LYPD6B: variants seen among roughly 807,000 people sequenced by gnomAD.
LYPD6B encodes ly6/PLAUR domain-containing protein 6B.
In LYPD6B, 17 loss-of-function variants were observed where a neutral mutation model predicts 22.8. The observed-to-expected ratio is 0.75, with a 90% CI of 0.51 to 1.12. LYPD6B has a LOEUF of 1.12. Ranked by LOEUF, LYPD6B falls within the 50% of genes most tolerant of loss-of-function variation. The probability of loss-of-function intolerance (pLI) is 0.00; values close to 1 mark genes in which losing one functional copy is unlikely to be tolerated. For missense variants in LYPD6B, 221 were observed against 258.3 expected, an observed-to-expected ratio of 0.86 and a Z score of 0.99; for synonymous variants, 106 against 91.6, an observed-to-expected ratio of 1.16 and a Z score of -0.90.
At chr2:149,161,688 C>T (rs1690074254) in intron 3 of LYPD6B, among the ~76,000 whole-genome samples, 1 of 152,128 alleles carries the variant, frequency 6.6e-6, no homozygotes, top group African/African-American at 2.4e-5. Flanking sequence ...TCCCACTTTG[C>T]ATCTGATGGC....
intron 2 of LYPD6B, among the ~76,000 whole-genome samples, chr2:149,159,866 G>A (rs1215607216): frequency 6.6e-6 from 1 of 152,042 alleles, no homozygotes; most frequent in East Asian, 1.9e-4. Context: ...CATTATGAAA[G>A]GTAATTTGCT....
At chr2:149,046,808 A>G (rs993636285) in intron 1 of LYPD6B, among the ~76,000 whole-genome samples, 2 of 151,966 alleles carry the variant, frequency 1.3e-5, no homozygotes, top group Admixed American at 1.3e-4. Context: ...GTTTTGTGCT[A>G]TTGTTATTAT....
rs1462749187 is a variant in LYPD6B, at chr2:149,120,393, T to A, written c.-66-10490T>A. 1.6e-3 allele frequency among the ~76,000 whole-genome samples: 153 copies of A among 96,410 alleles called. 5 individuals are homozygous for A. Among genetic ancestry groups the A allele is most frequent in the South Asian group, 5.4e-3 (16 of 2,982 alleles). The allele number at this position is 96,410 out of a possible 152,430, so 63.2% of individuals were successfully genotyped here. ...TATATATATATATATATTTTTTTTT[T>A]TTTTTTTTTGAGATGGAGTCTTGCT... On this transcript the variant is annotated intron_variant, in intron 1 of 6. Transcript: ENST00000409642.
chr2:149,149,936 T>C (rs1398103371), intron 2 of LYPD6B, among the ~76,000 whole-genome samples: 1 of 152,244 alleles, frequency 6.6e-6, no homozygotes, highest in East Asian at 1.9e-4. Flanking sequence ...CATTTCTAAA[T>C]AACATGCGTA....
intron 4 of LYPD6B, 65 bp from the exon 5 acceptor site, chr2:149,208,249 A>C (rs1158058904): frequency 9.1e-7 from 1 of 1,095,266 alleles, no homozygotes; most frequent in Non-Finnish European, 1.4e-6. Context: ...ATTTTGTACC[A>C]TGTTTGATGT....
Position 149,119,124 on chromosome 2 carries a change from ATTAAT to A in LYPD6B, c.-66-11758_-66-11754del, listed in dbSNP as rs1418967325. 293 of 152,366 alleles carry A rather than the reference ATTAAT, an allele frequency of 1.9e-3. 1 individual carries two copies. Among genetic ancestry groups the A allele is most frequent in the African/African-American group, 6.8e-3 (281 of 41,586 alleles). The allele number at this position is 152,366 out of a possible 1,614,324, so 9.4% of individuals were successfully genotyped here. ...TCAGATTATCGCGGAACACCTGCCC[ATTAAT>A]CTTGACCCTGTTAAAACAATAACTG... On this transcript the variant is annotated intron_variant, in intron 1 of 6. Coordinates refer to ENST00000409642, the MANE Select transcript of LYPD6B (RefSeq NM_177964.5).
intron 3 of LYPD6B, among the ~76,000 whole-genome samples, chr2:149,191,581 G>A (rs1692492235): frequency 6.6e-6 from 1 of 151,996 alleles, no homozygotes. Context: ...TTTAATTATT[G>A]GCACATTACA....
At chr2:149,070,662 C>G (rs1684561829) in intron 1 of LYPD6B, among the ~76,000 whole-genome samples, 1 of 152,124 alleles carries the variant, frequency 6.6e-6, no homozygotes, top group Non-Finnish European at 1.5e-5. Context: ...ATTAGACAAC[C>G]CATTGTAAGC....
At chr2:149,083,381 C>T (rs1345975895) in intron 1 of LYPD6B, among the ~76,000 whole-genome samples, 1 of 152,204 alleles carries the variant, frequency 6.6e-6, no homozygotes, top group Non-Finnish European at 1.5e-5. Context: ...ATATCTAGCA[C>T]ATTTTCGAAT....
chr2:149,040,329 G>T (rs1683021162), intron 1 of LYPD6B, among the ~76,000 whole-genome samples: 1 of 151,604 alleles, frequency 6.6e-6, no homozygotes. Context: ...AGGTCCAAGC[G>T]ATTATCCTGC....
chr2:149,180,611 G>A (rs1691648507), intron 3 of LYPD6B, among the ~76,000 whole-genome samples: 2 of 152,346 alleles, frequency 1.3e-5, no homozygotes, highest in South Asian at 2.1e-4. Flanking sequence ...AGCATCCTAA[G>A]CTTAATTTGT....
chr2:149,070,959 G>A (rs369272635), intron 1 of LYPD6B, among the ~76,000 whole-genome samples: 10 of 152,290 alleles, frequency 6.6e-5, no homozygotes, highest in African/African-American at 1.9e-4. Context: ...GGAATCCTTG[G>A]CACTGAGATT....
intron 3 of LYPD6B, among the ~76,000 whole-genome samples, chr2:149,198,945 T>C (rs1197812153): frequency 2.0e-5 from 3 of 152,126 alleles, no homozygotes; most frequent in Admixed American, 6.6e-5. Flanking sequence ...ATTCCAACTT[T>C]CCCTTGGTTG....
At chr2:149,067,004 C>A (rs1684366027) in intron 1 of LYPD6B, among the ~76,000 whole-genome samples, 2 of 152,110 alleles carry the variant, frequency 1.3e-5, no homozygotes, top group Admixed American at 1.3e-4. Context: ...TTGTAGCTAT[C>A]TTTACTTCCA....
rs189875882 is a variant in LYPD6B, at chr2:149,059,605, C to T, written c.-67+20804C>T. Among the ~76,000 whole-genome samples the T allele has an allele frequency of 4.5e-3, 685 of 152,334 alleles. 4 individuals are homozygous for T. Among genetic ancestry groups the T allele is most frequent in the African/African-American group, 0.015 (635 of 41,582 alleles). On this transcript the variant is annotated intron_variant, in intron 1 of 6. Coordinates refer to ENST00000409642, the MANE Select transcript of LYPD6B (RefSeq NM_177964.5). The stretch of plus-strand genomic sequence containing the variant: ...TGTCTCCGTATCCATTTCTTCATTA[C>T]GGCGTTGTTCCGTTCACCTGCCTTT...
At chr2:149,062,280 C>A (rs1684123874) in intron 1 of LYPD6B, among the ~76,000 whole-genome samples, 1 of 152,178 alleles carries the variant, frequency 6.6e-6, no homozygotes, top group African/African-American at 2.4e-5. Flanking sequence ...AGCCACCGCG[C>A]CCGGCAGAAT....
rs148250165 is a variant in LYPD6B at position 149,122,751 on chromosome 2, T to C, written c.-66-8132T>C. Among the ~76,000 whole-genome samples the C allele has an allele frequency of 2.3e-4, 35 of 152,260 alleles. No individual in the cohort carries two copies. In the East Asian group the frequency reaches 6.6e-3, roughly 29 times the overall value. ...CATTCCACAGGGCGGTTTCTCACTTTGGGGGCTGAGGGCCTCTGAACATTT... is the reference window on the plus strand; with the variant it reads ...CATTCCACAGGGCGGTTTCTCACTTCGGGGGCTGAGGGCCTCTGAACATTT... On this transcript the variant is annotated intron_variant, in intron 1 of 6. Transcript: ENST00000409642.
At chr2:149,053,450 T>A (rs566393178) in intron 1 of LYPD6B, among the ~76,000 whole-genome samples, 1 of 152,312 alleles carries the variant, frequency 6.6e-6, no homozygotes, top group Non-Finnish European at 1.5e-5. Flanking sequence ...TTTACTGAGG[T>A]TAAATTCTTA....
At chr2:149,050,590 A>G (rs1013777955) in intron 1 of LYPD6B, among the ~76,000 whole-genome samples, 1 of 152,210 alleles carries the variant, frequency 6.6e-6, no homozygotes, top group African/African-American at 2.4e-5. Flanking sequence ...CAACTACAGG[A>G]AAGTTAGAAC....
Sources: allele counts gnomAD v4.1 joint callset (sites outside exome capture counted in the v4.1 genomes callset), GRCh38; gene constraint gnomAD v4.1.1; transcripts MANE v1.5; gene names NCBI Gene and HGNC (gene_info 2026-07-23, HGNC 2026-07-21).